SH3BP5: variants seen among roughly 807,000 people sequenced by gnomAD.
SH3BP5 encodes SH3 domain binding protein 5, also known as SH3 domain-binding protein 5.
Under a neutral mutation model 43.3 loss-of-function variants are expected in SH3BP5, and 22 were observed. The observed-to-expected ratio is 0.51, with a 90% CI of 0.36 to 0.73. The LOEUF (loss-of-function observed/expected upper bound fraction) is 0.73, where lower values mean the gene tolerates loss of function less well. Among genes scored for constraint, SH3BP5 ranks in the 30% least tolerant of loss-of-function variants. SH3BP5 has a pLI of 0.00. For missense variants in SH3BP5, 529 were observed against 586.9 expected (o/e 0.90, Z 1.02); for synonymous variants, 255 against 225.8 (o/e 1.13, Z -1.16).
At chr3:15,261,521 T>TG (rs2125047748) in intron 5 of SH3BP5, among the ~76,000 whole-genome samples, 1 of 152,310 alleles carries the variant, frequency 6.6e-6, no homozygotes, top group African/African-American at 2.4e-5. Context: ...CAGCCTGCTC[T>TG]GGGTCTATCT....
intron 3 of SH3BP5, among the ~76,000 whole-genome samples, chr3:15,300,881 C>A (rs906006249): frequency 7.9e-5 from 12 of 152,114 alleles, no homozygotes; most frequent in Non-Finnish European, 1.3e-4. Flanking sequence ...GGGAGCTGCC[C>A]ATTAAGAGTG....
At chr3:15,266,046 G>A (rs979494977) in intron 4 of SH3BP5, among the ~76,000 whole-genome samples, 8 of 152,116 alleles carry the variant, frequency 5.3e-5, no homozygotes, top group East Asian at 1.9e-4. Context: ...CAGCTTTCTC[G>A]ACTCTCCAAT....
chr3:15,332,073 C>T, intron 1 of SH3BP5, 198 bp downstream of exon 1: 2 of 840,064 alleles, frequency 2.4e-6, no homozygotes, highest in Non-Finnish European at 3.6e-6. Context: ...AGAGTCAGGC[C>T]GCATCCACGC....
chr3:15,307,775 A>G (rs970368908), intron 2 of SH3BP5, among the ~76,000 whole-genome samples: 1 of 152,230 alleles, frequency 6.6e-6, no homozygotes, highest in African/African-American at 2.4e-5. Context: ...CCGCATCCTC[A>G]CGGTCACCTC....
Position 15,332,325 on chromosome 3 carries a change from T to TTCCTCC in SH3BP5, c.78_83dup (p.Glu28_Glu29dup), listed in dbSNP as rs760711039. On this transcript the variant is annotated inframe_insertion, in exon 1 of 9. Coordinates refer to ENST00000383791, the MANE Select transcript of SH3BP5 (RefSeq NM_004844.5). Reference sequence around the variant, plus strand: ...CCTCCAGCCCCTGCTCCATCCCCTCTTCCTCCTCCTCCTCCTCGTCCCGGG... The same window carrying TTCCTCC: ...CCTCCAGCCCCTGCTCCATCCCCTCTTCCTCCTCCTCCTCCTCCTCCTCGTCCCGGG... 19 of 1,529,428 alleles carry TTCCTCC rather than the reference T, an allele frequency of 1.2e-5. No individual in the cohort carries two copies. The highest frequency in any genetic ancestry group is 2.7e-5 in the African/African-American group (2 of 73,126). The allele number at this position is 1,529,428 out of a possible 1,614,324, so 94.7% of individuals were successfully genotyped here.
At chr3:15,256,606 C>T (rs1696210223) in intron 8 of SH3BP5, 1 of 595,056 alleles carries the variant, frequency 1.7e-6, no homozygotes, top group Non-Finnish European at 2.9e-6. Context: ...TATGTGCTTG[C>T]CAAGGAGACT....
At chr3:15,260,568 A>G (rs1046059627) in intron 5 of SH3BP5, 2 of 152,442 alleles carry the variant, frequency 1.3e-5, no homozygotes, top group African/African-American at 4.8e-5. Context: ...TGACAAGGAC[A>G]CAGGACTGCC....
intron 2 of SH3BP5, among the ~76,000 whole-genome samples, chr3:15,324,871 A>AAG (rs1222398528): frequency 6.6e-6 from 1 of 152,120 alleles, no homozygotes; most frequent in Non-Finnish European, 1.5e-5. Context: ...AAAAAAAAAA[A>AAG]AAGTTTTAAG....
chr3:15,287,872 G>A (rs752846216), intron 3 of SH3BP5, among the ~76,000 whole-genome samples: 2 of 152,320 alleles, frequency 1.3e-5, no homozygotes, highest in East Asian at 1.9e-4. Context: ...AGGCCAGGCC[G>A]TGAAAAGCTT....
chr3:15,333,070 G>A (rs1213244264), upstream of SH3BP5: 10 of 985,040 alleles, frequency 1.0e-5, no homozygotes, highest in East Asian at 5.7e-4. Flanking sequence ...CCGAAACACA[G>A]AGGTGCGGCG....
At chr3:15,278,002 C>A (rs1052195002) in intron 3 of SH3BP5, among the ~76,000 whole-genome samples, 1 of 152,186 alleles carries the variant, frequency 6.6e-6, no homozygotes, top group Non-Finnish European at 1.5e-5. Context: ...GGTGGCAGGA[C>A]CCGGAGGAAA....
In SH3BP5 at chr3:15,254,798, TAGA is replaced by T. The variant is rs1482070809; in HGVS notation, c.*1285_*1287del. 1 of 152,194 alleles carries T rather than the reference TAGA, an allele frequency of 6.6e-6. No individual in the cohort carries two copies. Among genetic ancestry groups the T allele is most frequent in the East Asian group, 1.9e-4 (1 of 5,202 alleles). 9.4% of individuals were successfully genotyped at this position (152,194 alleles called of 1,614,324 possible). A position where few individuals can be genotyped will look rare whatever the true frequency, so the allele number is the denominator to read the frequency against. Reference sequence around the variant, plus strand: ...TCTTCCTTATGGAAAAAGGGTTGCCTAGAAGATTTAGGCAATACTGGGAGTTCT... The same window carrying T: ...TCTTCCTTATGGAAAAAGGGTTGCCTAGATTTAGGCAATACTGGGAGTTCT... On this transcript the variant is annotated 3_prime_UTR_variant, in exon 9 of 9. Transcript: ENST00000383791.
intron 2 of SH3BP5, among the ~76,000 whole-genome samples, chr3:15,325,521 A>C (rs1041734643): frequency 1.3e-5 from 2 of 152,204 alleles, no homozygotes; most frequent in African/African-American, 2.4e-5. Flanking sequence ...AACACCCACC[A>C]GCTGAGTCCC....
At chr3:15,294,114 G>C (rs1697493713) in intron 3 of SH3BP5, among the ~76,000 whole-genome samples, 1 of 145,626 alleles carries the variant, frequency 6.9e-6, no homozygotes, top group Non-Finnish European at 1.5e-5. Context: ...ACAAGAAAAA[G>C]AAAAGAGTAC....
At position 15,269,947 on chromosome 3, in the gene SH3BP5, C is replaced by CA. The variant is rs1338301705; in HGVS notation, c.331-71dup. 14 of 1,348,468 alleles carry CA rather than the reference C, an allele frequency of 1.0e-5. 1 individual carries two copies. Among genetic ancestry groups the CA allele is most frequent in the Middle Eastern group, 2.3e-4 (1 of 4,274 alleles). 83.5% of individuals were successfully genotyped at this position (1,348,468 alleles called of 1,614,324 possible). A position where few individuals can be genotyped will look rare whatever the true frequency, so the allele number is the denominator to read the frequency against. ...GCTCCCCATGGTCCATTTTACCTTT[C>CA]AAAAAATAAGCATCCCAAGGACCAG... is the stretch of plus-strand genomic sequence containing the variant. On this transcript the variant is annotated intron_variant, in intron 3 of 8. Coordinates refer to ENST00000383791, the MANE Select transcript of SH3BP5 (RefSeq NM_004844.5).
At chr3:15,287,237 G>A (rs1477634515) in intron 3 of SH3BP5, among the ~76,000 whole-genome samples, 1 of 152,208 alleles carries the variant, frequency 6.6e-6, no homozygotes, top group South Asian at 2.1e-4. Flanking sequence ...TAGCTTGTGG[G>A]TATTAACCCA....
intron 6 of SH3BP5, 109 bp from the exon 7 acceptor site, chr3:15,259,159 T>C (rs1696336360): frequency 2.3e-6 from 2 of 881,564 alleles, no homozygotes; most frequent in Non-Finnish European, 1.8e-6. Context: ...CTTCAAGGAA[T>C]TTTCCAAGAC....
chr3:15,297,318 C>T (rs573455438), intron 3 of SH3BP5, among the ~76,000 whole-genome samples: 1 of 152,272 alleles, frequency 6.6e-6, no homozygotes, highest in African/African-American at 2.4e-5. Flanking sequence ...CCACCTGGCA[C>T]AATCTCTCTA....
chr3:15,316,716 T>A (rs1698195181), intron 2 of SH3BP5, among the ~76,000 whole-genome samples: 1 of 130,216 alleles, frequency 7.7e-6, no homozygotes, highest in Admixed American at 8.1e-5. Flanking sequence ...ACATTACTCA[T>A]CTGCTATGAA....
Sources: gnomAD v4.1 joint callset for allele counts (sites outside exome capture counted in the v4.1 genomes callset) on GRCh38, gnomAD v4.1.1 for gene constraint, MANE v1.5 for transcripts, NCBI Gene and HGNC (gene_info 2026-07-23, HGNC 2026-07-21) for gene names.